The following NLK variants were observed in gnomAD, a reference collection of about 807,000 sequenced individuals.
NLK encodes serine/threonine-protein kinase NLK.
In NLK, 11 loss-of-function variants were observed where a neutral mutation model predicts 59.0. The observed-to-expected ratio is 0.19, with a 90% CI of 0.12 to 0.31. The LOEUF (loss-of-function observed/expected upper bound fraction) is 0.31. Among genes scored for constraint, NLK ranks in the 10% least tolerant of loss-of-function variants. NLK has a pLI of 1.00. For missense variants in NLK, 410 were observed against 661.1 expected (o/e 0.62, Z 4.16); for synonymous variants, 235 against 235.9 (o/e 1.00, Z 0.03).
intron 1 of NLK, among the ~76,000 whole-genome samples, chr17:28,099,704 G>A (rs1291075784): frequency 6.7e-6 from 1 of 148,262 alleles, no homozygotes; most frequent in Non-Finnish European, 1.5e-5. Flanking sequence ...TCAGCCTCCC[G>A]AGTAGCTGGG....
chr17:28,103,694 G>A (rs1904978390), intron 1 of NLK, among the ~76,000 whole-genome samples: 1 of 152,066 alleles, frequency 6.6e-6, no homozygotes, highest in African/African-American at 2.4e-5. Flanking sequence ...AACTTAGCAG[G>A]TGCACTCTCC....
chr17:28,141,980 A>T (rs1366716443), intron 3 of NLK, among the ~76,000 whole-genome samples: 2 of 152,202 alleles, frequency 1.3e-5, no homozygotes, highest in Admixed American at 6.5e-5. Flanking sequence ...GTGGAAGATT[A>T]ATCACCAGTC....
intron 1 of NLK, among the ~76,000 whole-genome samples, chr17:28,119,945 T>G (rs894302825): frequency 2.0e-5 from 3 of 152,218 alleles, no homozygotes; most frequent in African/African-American, 7.2e-5. Flanking sequence ...TCAAAGTAAC[T>G]GGCCTGGTCT....
At chr17:28,161,940 C>T (rs1427533503) in intron 4 of NLK, among the ~76,000 whole-genome samples, 1 of 150,980 alleles carries the variant, frequency 6.6e-6, no homozygotes, top group African/African-American at 2.5e-5. Context: ...AAAATACTTT[C>T]CCCCTGCCCC....
intron 1 of NLK, among the ~76,000 whole-genome samples, chr17:28,065,700 A>G (rs1909802085): frequency 1.3e-5 from 2 of 152,214 alleles, no homozygotes; most frequent in Admixed American, 1.3e-4. Context: ...CTTTATTACA[A>G]ATTGGCAGTG....
chr17:28,123,525 CA>C (rs1319850578), intron 2 of NLK, among the ~76,000 whole-genome samples: 3 of 152,160 alleles, frequency 2.0e-5, no homozygotes, highest in African/African-American at 7.2e-5. Context: ...TACTAATATT[CA>C]ACACAAAAAT....
At chr17:28,109,671 A>C (rs1905379254) in intron 1 of NLK, among the ~76,000 whole-genome samples, 1 of 152,176 alleles carries the variant, frequency 6.6e-6, no homozygotes, top group South Asian at 2.1e-4. Flanking sequence ...GTTTATCCAT[A>C]TGTTAATAAA....
chr17:28,097,249 A>C (rs573965408), intron 1 of NLK, among the ~76,000 whole-genome samples: 1 of 152,290 alleles, frequency 6.6e-6, no homozygotes, highest in African/African-American at 2.4e-5. Flanking sequence ...TGATTATAGA[A>C]ATTTTTAAAT....
chr17:28,043,725 C>T (rs970044342), intron 1 of NLK, among the ~76,000 whole-genome samples: 3 of 152,198 alleles, frequency 2.0e-5, no homozygotes, highest in Non-Finnish European at 4.4e-5. Context: ...GACTGAATTC[C>T]TTTATAATAC....
chr17:28,062,375 T>C (rs1410551396), intron 1 of NLK, among the ~76,000 whole-genome samples: 1 of 152,208 alleles, frequency 6.6e-6, no homozygotes, highest in Non-Finnish European at 1.5e-5. Context: ...CATATAACAC[T>C]TAGGAAGCTG....
At chr17:28,189,070 C>A (rs1451191655) in intron 8 of NLK, among the ~76,000 whole-genome samples, 1 of 151,956 alleles carries the variant, frequency 6.6e-6, no homozygotes, top group Non-Finnish European at 1.5e-5. Context: ...AATGACCTGA[C>A]CTCAGTGACA....
At chr17:28,185,991 T>C (rs1173986100) in intron 8 of NLK, among the ~76,000 whole-genome samples, 6 of 152,238 alleles carry the variant, frequency 3.9e-5, no homozygotes, top group Admixed American at 3.9e-4. Context: ...ATACTGTAAG[T>C]TCAGCTCTTC....
chr17:28,162,754 A>G (rs963068411), intron 4 of NLK, among the ~76,000 whole-genome samples: 6 of 152,162 alleles, frequency 3.9e-5, no homozygotes, highest in South Asian at 4.1e-4. Context: ...ATTTTATCCA[A>G]AAAAGACTCA....
intron 1 of NLK, among the ~76,000 whole-genome samples, chr17:28,106,069 T>C (rs1905069450): frequency 6.6e-6 from 1 of 152,252 alleles, no homozygotes; most frequent in African/African-American, 2.4e-5. Flanking sequence ...AAAAACTTAC[T>C]CTGTATCTAA....
chr17:28,066,623 G>T (rs1909831371), intron 1 of NLK, among the ~76,000 whole-genome samples: 1 of 152,148 alleles, frequency 6.6e-6, no homozygotes, highest in Non-Finnish European at 1.5e-5. Flanking sequence ...TTTCTCTTGG[G>T]TAAATACCTA....
At chr17:28,072,327 CTTT>C (rs56146394) in intron 1 of NLK, among the ~76,000 whole-genome samples, 9 of 132,722 alleles carry the variant, frequency 6.8e-5, no homozygotes, top group Non-Finnish European at 1.3e-4. Flanking sequence ...TCTTCTTTTT[CTTT>C]TTTTTTTTTT....
At chr17:28,146,128 C>CT (rs1907237290) in intron 3 of NLK, among the ~76,000 whole-genome samples, 1 of 152,270 alleles carries the variant, frequency 6.6e-6, no homozygotes, top group East Asian at 1.9e-4. Flanking sequence ...AGGCCATGGA[C>CT]TTTGATATCA....
At chr17:28,154,815 C>T (rs546517232) in intron 3 of NLK, among the ~76,000 whole-genome samples, 1 of 152,222 alleles carries the variant, frequency 6.6e-6, no homozygotes, top group South Asian at 2.1e-4. Flanking sequence ...GGGCAGATCA[C>T]TTGAGGTCAG....
rs533173336 is a variant in NLK, at chr17:28,054,717, A to C, written c.458+11386A>C. 3.3e-5 allele frequency among the ~76,000 whole-genome samples: 5 copies of C among 152,328 alleles called. No individual in the cohort carries two copies. The East Asian group carries it at 9.6e-4, about 29-fold the overall frequency. ...TAATTTACAGGAACTTTTAGAACAAAAGCAGTTAAAGAATGACCTGAGGAG... is the reference window on the plus strand; with the variant it reads ...TAATTTACAGGAACTTTTAGAACAACAGCAGTTAAAGAATGACCTGAGGAG... On this transcript the variant is annotated intron_variant, in intron 1 of 10. Transcript: ENST00000407008.
Sources: gnomAD v4.1 joint callset for allele counts (sites outside exome capture counted in the v4.1 genomes callset) on GRCh38, gnomAD v4.1.1 for gene constraint, MANE v1.5 for transcripts, NCBI Gene and HGNC (gene_info 2026-07-23, HGNC 2026-07-21) for gene names.